NIBAN1: variants seen among roughly 807,000 people sequenced by gnomAD.
NIBAN1 encodes the protein protein Niban 1.
In NIBAN1, 81 loss-of-function variants were observed where a neutral mutation model predicts 75.1. That is an observed-to-expected ratio of 1.08 (90% CI 0.90 to 1.30). NIBAN1 has a LOEUF of 1.30. NIBAN1 is among the 50% of genes most tolerant of loss of function. The pLI is 0.00. For missense variants in NIBAN1, 1,133 were observed against 1,128.1 expected, an observed-to-expected ratio of 1.00 and a Z score of -0.06; for synonymous variants, 436 against 424.8, an observed-to-expected ratio of 1.03 and a Z score of -0.32.
chr1:184,906,116 C>T (rs1168395565), intron 1 of NIBAN1, among the ~76,000 whole-genome samples: 1 of 150,320 alleles, frequency 6.7e-6, no homozygotes, highest in African/African-American at 2.5e-5. Flanking sequence ...TGATGCACAC[C>T]TGTAGTTGCA....
At chr1:184,933,127 A>C (rs1657868711) in intron 1 of NIBAN1, among the ~76,000 whole-genome samples, 1 of 151,638 alleles carries the variant, frequency 6.6e-6, no homozygotes, top group Non-Finnish European at 1.5e-5. Context: ...TACTTCTACT[A>C]CTTCCCTACA....
intron 1 of NIBAN1, among the ~76,000 whole-genome samples, chr1:184,954,853 T>C (rs563351207): frequency 7.9e-5 from 12 of 152,290 alleles, no homozygotes; most frequent in African/African-American, 2.9e-4. Flanking sequence ...GCTTCTGAGA[T>C]TACAATAAAA....
In NIBAN1 at chr1:184,952,402, A is replaced by AAAAAAG. The variant is rs1376732749; in HGVS notation, c.55+21894_55+21899dup. On this transcript the variant is annotated intron_variant, in intron 1 of 13. Transcript: ENST00000367511. Reference sequence around the variant, plus strand: ...GGCGACAGAGCAAGACCCTGTCTCAAAAAAAGAAAAAGAAAAAGAAATAGA... The same window carrying AAAAAAG: ...GGCGACAGAGCAAGACCCTGTCTCAAAAAAAGAAAAAGAAAAAGAAAAAGAAATAGA... Among the ~76,000 whole-genome samples, 7 of 152,304 alleles carry AAAAAAG rather than the reference A, an allele frequency of 4.6e-5. No homozygotes were observed. The South Asian group carries it at 6.2e-4, about 14-fold the overall frequency.
chr1:184,928,959 T>G (rs1008020044), intron 1 of NIBAN1, among the ~76,000 whole-genome samples: 8 of 152,112 alleles, frequency 5.3e-5, no homozygotes, highest in Non-Finnish European at 8.8e-5. Flanking sequence ...TCCCATCCCC[T>G]TGTCCCCACC....
At chr1:184,856,402 T>A (rs1655678151) in intron 5 of NIBAN1, among the ~76,000 whole-genome samples, 1 of 152,188 alleles carries the variant, frequency 6.6e-6, no homozygotes, top group Non-Finnish European at 1.5e-5. Context: ...GTAAGGGTTC[T>A]AAAAAATCTT....
chr1:184,885,205 C>A (rs540909358), intron 4 of NIBAN1, among the ~76,000 whole-genome samples: 25 of 152,328 alleles, frequency 1.6e-4, no homozygotes, highest in Non-Finnish European at 7.4e-5. Flanking sequence ...CATACCACCA[C>A]CTCCAGCTAA....
At chr1:184,942,528 C>A (rs893288158) in intron 1 of NIBAN1, among the ~76,000 whole-genome samples, 1 of 152,026 alleles carries the variant, frequency 6.6e-6, no homozygotes, top group Non-Finnish European at 1.5e-5. Context: ...CCCGTCTCTA[C>A]TAAAAATACA....
chr1:184,917,278 C>T (rs1456462884), intron 1 of NIBAN1, among the ~76,000 whole-genome samples: 1 of 150,694 alleles, frequency 6.6e-6, no homozygotes, highest in Non-Finnish European at 1.5e-5. Context: ...GATCTCAGCT[C>T]ATTGCAAGCT....
At chr1:184,817,377 G>A (rs2755528) in intron 9 of NIBAN1, among the ~76,000 whole-genome samples, 15 of 152,196 alleles carry the variant, frequency 9.9e-5, no homozygotes, top group African/African-American at 3.4e-4. Context: ...TAATCCTTTG[G>A]GTATATACCC....
chr1:184,852,162 T>C (rs1655558734), intron 5 of NIBAN1, among the ~76,000 whole-genome samples: 1 of 152,302 alleles, frequency 6.6e-6, no homozygotes, highest in Non-Finnish European at 1.5e-5. Flanking sequence ...TTCTTTTTTC[T>C]TCTCCTGAAA....
chr1:184,885,555 C>T (rs1438590253), intron 4 of NIBAN1, among the ~76,000 whole-genome samples: 1 of 152,202 alleles, frequency 6.6e-6, no homozygotes, highest in Non-Finnish European at 1.5e-5. Flanking sequence ...CTCTGCAGGC[C>T]ACTGACAACC....
chr1:184,840,724 A>G (rs1199764455), intron 5 of NIBAN1, among the ~76,000 whole-genome samples: 1 of 151,012 alleles, frequency 6.6e-6, no homozygotes, highest in Non-Finnish European at 1.5e-5. Context: ...AGATTGGTAG[A>G]TTAGAAGGCT....
intron 4 of NIBAN1, among the ~76,000 whole-genome samples, chr1:184,889,559 G>A (rs573375523): frequency 6.6e-6 from 1 of 152,134 alleles, no homozygotes; most frequent in South Asian, 2.1e-4. Context: ...TCCCTGACAG[G>A]TCCAGGCTTG....
At chr1:184,869,658 C>T (rs1343332787) in intron 5 of NIBAN1, among the ~76,000 whole-genome samples, 1 of 152,042 alleles carries the variant, frequency 6.6e-6, no homozygotes, top group Non-Finnish European at 1.5e-5. Context: ...TCTCCTGCCT[C>T]AGCCTCCTGA....
At chr1:184,856,903 G>C (rs1345483463) in intron 5 of NIBAN1, among the ~76,000 whole-genome samples, 1 of 152,178 alleles carries the variant, frequency 6.6e-6, no homozygotes, top group Non-Finnish European at 1.5e-5. Context: ...TTTGGAATAT[G>C]GATGTTTTCA....
At chr1:184,904,569 T>C (rs6696729) in intron 1 of NIBAN1, among the ~76,000 whole-genome samples, 202 of 152,308 alleles carry the variant, frequency 1.3e-3, no homozygotes, top group African/African-American at 4.5e-3. Context: ...CTTGCCACTT[T>C]TATTTCCAGA....
intron 1 of NIBAN1, among the ~76,000 whole-genome samples, chr1:184,957,173 G>A (rs1571604119): frequency 2.6e-5 from 4 of 152,236 alleles, no homozygotes; most frequent in African/African-American, 4.8e-5. Context: ...TTGCCAGCCA[G>A]TGTGAGCTGG....
At chr1:184,946,884 A>T (rs1658238485) in intron 1 of NIBAN1, among the ~76,000 whole-genome samples, 1 of 151,816 alleles carries the variant, frequency 6.6e-6, no homozygotes, top group Non-Finnish European at 1.5e-5. Context: ...GACCAGCCTG[A>T]CCAACATGGA....
rs551608648 is a variant in NIBAN1, at chr1:184,959,298, T to A, written c.55+15004A>T. On this transcript the variant is annotated intron_variant, in intron 1 of 13. Coordinates refer to ENST00000367511, the MANE Select transcript of NIBAN1 (RefSeq NM_052966.4). The stretch of plus-strand genomic sequence containing the variant: ...GCAGTACAGCTACATTCTGCCTAGA[T>A]GTTCCAGCAGGCTACAGAAACACAG... 4.6e-5 allele frequency among the ~76,000 whole-genome samples: 7 copies of A among 152,326 alleles called. No homozygotes were observed. In the South Asian group the frequency reaches 1.4e-3, roughly 32 times the overall value.
Sources: allele counts gnomAD v4.1 joint callset (sites outside exome capture counted in the v4.1 genomes callset), GRCh38; gene constraint gnomAD v4.1.1; transcripts MANE v1.5; gene names NCBI Gene and HGNC (gene_info 2026-07-23, HGNC 2026-07-21).